KIT: variants seen among roughly 807,000 people sequenced by gnomAD.
The protein encoded by KIT is KIT proto-oncogene, receptor tyrosine kinase.
Under a neutral mutation model 105.7 loss-of-function variants are expected in KIT, and 16 were observed. The observed-to-expected ratio is 0.15, with a 90% confidence interval of 0.10 to 0.23. The LOEUF is 0.23. KIT is among the 10% of genes least tolerant of loss of function. The probability of loss-of-function intolerance (pLI) is 1.00; values close to 1 mark genes in which losing one functional copy is unlikely to be tolerated. For missense variants in KIT, 858 were observed against 1,213.8 expected (o/e 0.71, Z 4.36); for synonymous variants, 438 against 441.1 (o/e 0.99, Z 0.09).
Position 54,723,610 on chromosome 4 carries a change from A to T in KIT, c.1258A>T (p.Arg420Trp), listed in dbSNP as rs2109760624. ...AAAACCAGAAATCCTGACTTACGAC[A>T]GGCTCGTGAATGGCATGCTCCAATG... ...NTKPEILTYD[R>W]LVNGMLQCVA... Residue 420 changes from arginine to tryptophan, a missense_variant, in exon 8 of 21, where the codon AGG becomes TGG. This residue lies in a region of KIT where 401 missense variants were observed against 601.0 expected (regional missense o/e 0.67). Transcript: ENST00000288135. 1 of 1,614,080 alleles carries T rather than the reference A, an allele frequency of 6.2e-7. No homozygotes were observed. The highest frequency in any genetic ancestry group is 8.5e-7 in the Non-Finnish European group (1 of 1,179,926).
At chr4:54,659,018 C>T (rs550458797) in intron 1 of KIT, among the ~76,000 whole-genome samples, 1 of 152,256 alleles carries the variant, frequency 6.6e-6, no homozygotes, top group African/African-American at 2.4e-5. Context: ...AGTGCCCGGC[C>T]TGCCTGGCGG....
intron 1 of KIT, among the ~76,000 whole-genome samples, chr4:54,691,715 C>G (rs995941337): frequency 3.3e-5 from 5 of 151,900 alleles, no homozygotes; most frequent in African/African-American, 1.2e-4. Flanking sequence ...GCTGATGGAC[C>G]TCAGAGTTTT....
chr4:54,713,773 T>C (rs1489998389), intron 7 of KIT, among the ~76,000 whole-genome samples: 1 of 152,224 alleles, frequency 6.6e-6, no homozygotes, highest in Non-Finnish European at 1.5e-5. Flanking sequence ...ATTGCTTATA[T>C]GGTAGACTTT....
chr4:54,732,965 G>T (rs2109800159), intron 16 of KIT, 105 bp from the exon 17 acceptor site: 1 of 964,178 alleles, frequency 1.0e-6, no homozygotes, highest in African/African-American at 1.7e-5. Context: ...AAAAGTATTG[G>T]ATTTTTTATA....
intron 7 of KIT, among the ~76,000 whole-genome samples, chr4:54,720,422 A>G (rs1000384197): frequency 3.9e-5 from 6 of 152,216 alleles, no homozygotes; most frequent in Non-Finnish European, 7.3e-5. Flanking sequence ...CTGTTGTATA[A>G]CTGCTACCAG....
At chr4:54,703,180 G>GGA (rs1720560899) in intron 4 of KIT, among the ~76,000 whole-genome samples, 1 of 152,114 alleles carries the variant, frequency 6.6e-6, no homozygotes, top group African/African-American at 2.4e-5. Flanking sequence ...CTTATACCTT[G>GGA]GAACTCCCTT....
chr4:54,704,009 C>CTGAA, intron 5 of KIT, 117 bp downstream of exon 5: 2 of 929,080 alleles, frequency 2.2e-6, no homozygotes, highest in Non-Finnish European at 3.5e-6. Context: ...TTTGTTATCA[C>CTGAA]TGAATGAATG....
chr4:54,674,876 G>A (rs1718354144), intron 1 of KIT, among the ~76,000 whole-genome samples: 1 of 152,118 alleles, frequency 6.6e-6, no homozygotes, highest in African/African-American at 2.4e-5. Context: ...TTATTTGTTT[G>A]GTGTGAGATT....
At position 54,732,167 on chromosome 4, in the gene KIT, A is replaced by T. The variant is rs1049251158; in HGVS notation, c.2361+169A>T. On this transcript the variant is annotated intron_variant, in intron 16 of 20. Transcript: ENST00000288135. ...GGAAATTTAGTTTCTTCATGTTCCA[A>T]CTGCTGTCTCTTTGGAATTCCTGTT... 6.0e-5 allele frequency among the ~76,000 whole-genome samples: 9 copies of T among 150,606 alleles called. No homozygotes were observed. The South Asian group carries it at 1.3e-3, about 21-fold the overall frequency.
intron 6 of KIT, among the ~76,000 whole-genome samples, chr4:54,708,844 A>C (rs1417937787): frequency 6.6e-6 from 1 of 152,176 alleles, no homozygotes; most frequent in African/African-American, 2.4e-5. Context: ...TAGGGTGCTC[A>C]GTGTACACAG....
Position 54,689,029 on chromosome 4 carries a change from C to T in KIT, c.68-6483C>T, listed in dbSNP as rs138267075. ...CACCCACAATGCAGAGTCTGTGATT[C>T]CTTATTTCTGTGTCCTTAAATGGAG... On this transcript the variant is annotated intron_variant, in intron 1 of 20. Coordinates refer to ENST00000288135, the MANE Select transcript of KIT (RefSeq NM_000222.3). 4.7e-3 allele frequency among the ~76,000 whole-genome samples: 710 copies of T among 152,310 alleles called. 4 individuals carry two copies. Among genetic ancestry groups the T allele is most frequent in the African/African-American group, 0.016 (666 of 41,568 alleles).
intron 5 of KIT, among the ~76,000 whole-genome samples, chr4:54,705,238 T>C (rs975900418): frequency 2.0e-5 from 3 of 152,212 alleles, no homozygotes; most frequent in Non-Finnish European, 4.4e-5. Context: ...TTCCAAGAAT[T>C]ATCACTGTAT....
At chr4:54,695,842 TTGGATGACATA>T in intron 2 of KIT, 61 bp downstream of exon 2, 1 of 1,594,256 alleles carries the variant, frequency 6.3e-7, no homozygotes, top group African/African-American at 1.3e-5. Context: ...GCTCTTAATT[TTGGATGACATA>T]TGGATGACTG....
intron 1 of KIT, among the ~76,000 whole-genome samples, chr4:54,663,815 G>A (rs1717479778): frequency 6.6e-6 from 1 of 152,156 alleles, no homozygotes; most frequent in Admixed American, 6.5e-5. Context: ...AGACACAGCG[G>A]TTAGTGTTCA....
chr4:54,735,271 C>A (rs1032696566), intron 17 of KIT, among the ~76,000 whole-genome samples: 1 of 151,344 alleles, frequency 6.6e-6, no homozygotes, highest in Non-Finnish European at 1.5e-5. Flanking sequence ...AGGTTAGGAG[C>A]CCTTATAGGA....
intron 5 of KIT, among the ~76,000 whole-genome samples, chr4:54,704,139 C>A (rs1329960750): frequency 6.6e-6 from 1 of 152,180 alleles, no homozygotes; most frequent in Non-Finnish European, 1.5e-5. Flanking sequence ...GTGCACCTCA[C>A]CCTCCTTTCC....
At chr4:54,690,063 G>T (rs200613516) in intron 1 of KIT, among the ~76,000 whole-genome samples, 10 of 139,192 alleles carry the variant, frequency 7.2e-5, no homozygotes, top group East Asian at 2.0e-4. Flanking sequence ...TTTTGTGGGG[G>T]GGGGGGGCTG....
At chr4:54,737,010 G>A (rs1023575315) in intron 19 of KIT, among the ~76,000 whole-genome samples, 165 bp from the exon 20 acceptor site, 4 of 152,140 alleles carry the variant, frequency 2.6e-5, no homozygotes, top group African/African-American at 9.7e-5. Flanking sequence ...AATACAGAAA[G>A]TTTCAGTAAT....
intron 11 of KIT, 79 bp from the exon 12 acceptor site, chr4:54,727,744 A>G (rs887317371): frequency 5.2e-6 from 7 of 1,343,168 alleles, no homozygotes; most frequent in African/African-American, 1.4e-5. Flanking sequence ...TCCTTTATTG[A>G]TTTTGAAACT....
Sources: gnomAD v4.1 joint callset for allele counts (sites outside exome capture counted in the v4.1 genomes callset) on GRCh38, gnomAD v4.1.1 for gene constraint, gnomAD v4.1.1 regional missense constraint, MANE v1.5 for transcripts, NCBI Gene and HGNC (gene_info 2026-07-23, HGNC 2026-07-21) for gene names.